ATG5: variants seen among roughly 807,000 people sequenced by gnomAD.
ATG5 encodes autophagy related 5, also known as autophagy protein 5.
ATG5 carries 14 observed loss-of-function variants against 36.5 expected under a neutral mutation model. That is an observed-to-expected ratio of 0.38 (90% confidence interval 0.25 to 0.60). The LOEUF is 0.60. ATG5 is among the 20% of genes least tolerant of loss of function. The probability of loss-of-function intolerance (pLI) is 0.60; values close to 1 mark genes in which losing one functional copy is unlikely to be tolerated. For synonymous variants in ATG5, 95 were observed against 101.5 expected (o/e 0.94, Z 0.38); for missense variants, 195 against 326.7 (o/e 0.60, Z 3.11).
At chr6:106,272,370 G>A (rs1779485730) in intron 5 of ATG5, among the ~76,000 whole-genome samples, 1 of 152,168 alleles carries the variant, frequency 6.6e-6, no homozygotes, top group South Asian at 2.1e-4. Context: ...TTGTTAAAAT[G>A]GCCTACAAAG....
At chr6:106,252,034 T>G (rs2114525768) in intron 5 of ATG5, among the ~76,000 whole-genome samples, 1 of 152,248 alleles carries the variant, frequency 6.6e-6, no homozygotes, top group East Asian at 1.9e-4. Context: ...AGAGACGGGA[T>G]TTCACCATGT....
At chr6:106,235,632 T>C (rs994766836) in intron 6 of ATG5, among the ~76,000 whole-genome samples, 2 of 152,128 alleles carry the variant, frequency 1.3e-5, no homozygotes, top group African/African-American at 2.4e-5. Context: ...ACTAAAATGC[T>C]AATTAGACAA....
At chr6:106,304,621 G>A (rs1463231226) in intron 3 of ATG5, among the ~76,000 whole-genome samples, 1 of 152,076 alleles carries the variant, frequency 6.6e-6, no homozygotes, top group East Asian at 1.9e-4. Context: ...TTCTGAAAAA[G>A]GTAAAACAAC....
chr6:106,267,099 G>A (rs755205282), intron 5 of ATG5, among the ~76,000 whole-genome samples: 9 of 152,118 alleles, frequency 5.9e-5, no homozygotes, highest in Non-Finnish European at 1.2e-4. Flanking sequence ...AAACCCCATC[G>A]TCTCAGCCCA....
At chr6:106,267,141 A>G (rs1779257345) in intron 5 of ATG5, among the ~76,000 whole-genome samples, 1 of 152,252 alleles carries the variant, frequency 6.6e-6, no homozygotes, top group Admixed American at 6.5e-5. Flanking sequence ...AAACTTCAGC[A>G]AAGTCTCAGC....
chr6:106,274,469 T>A (rs1779569865), intron 5 of ATG5, among the ~76,000 whole-genome samples: 1 of 152,206 alleles, frequency 6.6e-6, no homozygotes, highest in Non-Finnish European at 1.5e-5. Context: ...AAAAATTGTT[T>A]AAACTGTTGT....
chr6:106,313,657 T>A (rs780283357), intron 2 of ATG5, among the ~76,000 whole-genome samples: 2 of 152,190 alleles, frequency 1.3e-5, no homozygotes, highest in Admixed American at 1.3e-4. Context: ...ATATAGGATA[T>A]AGGCGGAAAG....
At chr6:106,313,706 G>T (rs1289321384) in intron 2 of ATG5, among the ~76,000 whole-genome samples, 1 of 152,072 alleles carries the variant, frequency 6.6e-6, no homozygotes, top group African/African-American at 2.4e-5. Flanking sequence ...GCAGAAAAGA[G>T]GAATATATGT....
intron 4 of ATG5, among the ~76,000 whole-genome samples, chr6:106,287,280 T>C (rs1484453018): frequency 6.6e-6 from 1 of 152,266 alleles, no homozygotes; most frequent in East Asian, 1.9e-4. Context: ...AAGAAAAAAC[T>C]TGTCCATCAG....
rs1027810207 is a variant in ATG5 at position 106,202,036 on chromosome 6, A to G, written c.627T>C (p.Asp209=). 3 of 1,613,958 alleles carry G rather than the reference A, an allele frequency of 1.9e-6. No homozygotes were observed. The African/African-American group carries it at 4.0e-5, about 22-fold the overall frequency. The part of the protein sequence containing the change: ...IQKLFRPVAA[D]GQLHTLGDLL... ...GATCTCCTAGTGTGTGCAACTGTCC[A>G]TCTGCAGCCACAGGACGAAACAGCT... Residue 209 remains aspartate (D), a synonymous_variant, in exon 7 of 8, where the codon GAT becomes GAC. Coordinates refer to ENST00000369076, the MANE Select transcript of ATG5 (RefSeq NM_004849.4).
rs1188887477 is a variant in ATG5 at position 106,294,860 on chromosome 6, A to AAAAAAAAAAAAG, written c.237-1755_237-1754insCTTTTTTTTTTT. ...CTTTTCTCAAGAAAAAAAAAAAAAA[A>AAAAAAAAAAAAG]AGAATTTAGGATGAACGCCCGGTCG... On this transcript the variant is annotated intron_variant, in intron 3 of 7. Coordinates refer to ENST00000369076, the MANE Select transcript of ATG5 (RefSeq NM_004849.4). Among the ~76,000 whole-genome samples the AAAAAAAAAAAAG allele has an allele frequency of 4.0e-5, 6 of 151,592 alleles. No individual in the cohort carries two copies. The East Asian group carries it at 7.8e-4, about 20-fold the overall frequency.
chr6:106,250,520 C>T (rs1029787742), intron 5 of ATG5, among the ~76,000 whole-genome samples: 2 of 152,162 alleles, frequency 1.3e-5, no homozygotes, highest in Non-Finnish European at 2.9e-5. Flanking sequence ...GTTGCTGCCA[C>T]GAAACTTTAT....
intron 6 of ATG5, among the ~76,000 whole-genome samples, chr6:106,237,785 T>C (rs567636585): frequency 5.3e-5 from 8 of 152,320 alleles, no homozygotes; most frequent in Admixed American, 2.6e-4. Flanking sequence ...ACTGCTTATA[T>C]AGTTGGTTAG....
chr6:106,230,995 C>T (rs1395000260), intron 6 of ATG5, among the ~76,000 whole-genome samples: 1 of 152,022 alleles, frequency 6.6e-6, no homozygotes, highest in Non-Finnish European at 1.5e-5. Context: ...CCTACCCCAG[C>T]ATCCCCCAGA....
chr6:106,190,402 CAA>C (rs932820574), intron 7 of ATG5, among the ~76,000 whole-genome samples: 1 of 152,130 alleles, frequency 6.6e-6, no homozygotes, highest in African/African-American at 2.4e-5. Context: ...AAACACCCCC[CAA>C]AAAGCCTCAC....
chr6:106,307,413 A>G (rs1189487718), intron 3 of ATG5, among the ~76,000 whole-genome samples: 1 of 151,914 alleles, frequency 6.6e-6, no homozygotes, highest in African/African-American at 2.4e-5. Context: ...TCTCTCTGTA[A>G]TTTCCAGTTT....
At chr6:106,192,301 C>G (rs1180565964) in intron 7 of ATG5, among the ~76,000 whole-genome samples, 1 of 151,218 alleles carries the variant, frequency 6.6e-6, no homozygotes, top group Non-Finnish European at 1.5e-5. Context: ...TTAAGTATAT[C>G]ATTTGAGAAC....
At chr6:106,188,122 C>G (rs2114300506) in intron 7 of ATG5, among the ~76,000 whole-genome samples, 1 of 152,114 alleles carries the variant, frequency 6.6e-6, no homozygotes, top group Admixed American at 6.6e-5. Flanking sequence ...AAATATTAAG[C>G]TATATACAGA....
chr6:106,253,557 A>G (rs1450869770), intron 5 of ATG5, among the ~76,000 whole-genome samples: 4 of 152,192 alleles, frequency 2.6e-5, no homozygotes, highest in African/African-American at 9.7e-5. Context: ...AATTGGCATC[A>G]AGAACAGTAA....
Sources: allele counts gnomAD v4.1 joint callset (sites outside exome capture counted in the v4.1 genomes callset), GRCh38; gene constraint gnomAD v4.1.1; transcripts MANE v1.5; gene names NCBI Gene and HGNC (gene_info 2026-07-23, HGNC 2026-07-21).